FAM184B: variants seen among roughly 807,000 people sequenced by gnomAD.
The protein encoded by FAM184B is protein FAM184B.
In FAM184B, 111 loss-of-function variants were observed where a neutral mutation model predicts 135.9. The observed-to-expected ratio is 0.82, with a 90% confidence interval of 0.70 to 0.96. FAM184B has a LOEUF of 0.96. Among genes scored for constraint, FAM184B ranks in the 40% least tolerant of loss-of-function variants. FAM184B has a pLI of 0.00. For missense variants in FAM184B, 1,375 were observed against 1,323.9 expected (o/e 1.04, Z -0.60); for synonymous variants, 552 against 524.8 (o/e 1.05, Z -0.71).
chr4:17,760,469 CAAA>C (rs371782077), intron 1 of FAM184B, among the ~76,000 whole-genome samples: 2,564 of 115,994 alleles, frequency 0.022, 67 homozygotes, highest in African/African-American at 0.075. Context: ...GACTCCATCT[CAAA>C]AAAAAAAAAA....
chr4:17,735,595 T>G (rs1361808806), intron 1 of FAM184B, among the ~76,000 whole-genome samples: 2 of 152,186 alleles, frequency 1.3e-5, no homozygotes, highest in African/African-American at 2.4e-5. Context: ...CCCCTGTCAT[T>G]GGCATTTTTT....
intron 7 of FAM184B, among the ~76,000 whole-genome samples, chr4:17,674,729 T>C (rs1577255967): frequency 6.6e-6 from 1 of 152,228 alleles, no homozygotes; most frequent in African/African-American, 2.4e-5. Flanking sequence ...AAATCCTTTC[T>C]TGTTATTTTA....
intron 15 of FAM184B, 123 bp from the exon 16 acceptor site, chr4:17,635,236 G>A (rs992085193): frequency 6.4e-5 from 47 of 730,656 alleles, no homozygotes; most frequent in Non-Finnish European, 9.7e-5. Flanking sequence ...GGGGAAGTCA[G>A]TGGGAATAAA....
intron 2 of FAM184B, among the ~76,000 whole-genome samples, chr4:17,708,683 A>G (rs1435835548): frequency 2.4e-5 from 1 of 42,356 alleles, no homozygotes; most frequent in Non-Finnish European, 4.2e-5. Flanking sequence ...ATATATATAT[A>G]TATATATATA....
At chr4:17,699,911 G>A (rs1716947627) in intron 5 of FAM184B, among the ~76,000 whole-genome samples, 1 of 152,034 alleles carries the variant, frequency 6.6e-6, no homozygotes, top group South Asian at 2.1e-4. Flanking sequence ...AACAACTATT[G>A]TACAAAGAAC....
At chr4:17,669,636 G>T (rs1716126012) in intron 7 of FAM184B, among the ~76,000 whole-genome samples, 1 of 152,164 alleles carries the variant, frequency 6.6e-6, no homozygotes, top group African/African-American at 2.4e-5. Flanking sequence ...TCTGATAAAA[G>T]GAATTGTTCA....
At chr4:17,738,586 C>A (rs749243568) in intron 1 of FAM184B, among the ~76,000 whole-genome samples, 1 of 152,110 alleles carries the variant, frequency 6.6e-6, no homozygotes, top group African/African-American at 2.4e-5. Flanking sequence ...ATTTGCCACA[C>A]AGCTAATGAG....
intron 1 of FAM184B, among the ~76,000 whole-genome samples, chr4:17,725,985 G>A (rs892143811): frequency 7.9e-5 from 12 of 151,504 alleles, no homozygotes; most frequent in East Asian, 1.9e-4. Flanking sequence ...GTGCAGTGGC[G>A]CCATCTCTGC....
intron 1 of FAM184B, among the ~76,000 whole-genome samples, chr4:17,744,828 T>C (rs1718125895): frequency 6.6e-6 from 1 of 152,152 alleles, no homozygotes; most frequent in African/African-American, 2.4e-5. Context: ...TGCTTGAATA[T>C]CAACCTAGAG....
chr4:17,671,950 C>A (rs1577255074), intron 7 of FAM184B, among the ~76,000 whole-genome samples: 1 of 150,642 alleles, frequency 6.6e-6, no homozygotes. Flanking sequence ...GTCAAAGATG[C>A]AAAAAGAAAA....
chr4:17,674,524 G>A (rs1296663379), intron 7 of FAM184B, among the ~76,000 whole-genome samples: 3 of 152,158 alleles, frequency 2.0e-5, no homozygotes, highest in Non-Finnish European at 4.4e-5. Flanking sequence ...GAAGGCTGGG[G>A]CAGCTGTGGC....
chr4:17,707,880 T>A, intron 2 of FAM184B, 96 bp from the exon 3 acceptor site: 2 of 1,400,252 alleles, frequency 1.4e-6, no homozygotes, highest in Non-Finnish European at 9.7e-7. Flanking sequence ...AAGGCGGGTA[T>A]ATGCACAGCA....
rs752980284 is a variant in FAM184B, at chr4:17,707,801, G to C, written c.895-17C>G. 54 of 1,551,716 alleles carry C rather than the reference G, an allele frequency of 3.5e-5. No homozygotes were observed. In the South Asian group the frequency reaches 3.9e-4, roughly 11 times the overall value. On this transcript the variant is annotated splice_polypyrimidine_tract_variant and intron_variant, in intron 2 of 17. Coordinates refer to ENST00000265018, the MANE Select transcript of FAM184B (RefSeq NM_015688.2). ...ATCCAGGTCCTAAACAGACAGGAAG[G>C]GTCCCATTTCTCTGGTTATAGCTCT...
chr4:17,635,989 A>G (rs1427117856), intron 15 of FAM184B, among the ~76,000 whole-genome samples: 1 of 152,236 alleles, frequency 6.6e-6, no homozygotes, highest in African/African-American at 2.4e-5. Context: ...TCTGTAAGTT[A>G]AAAAACCAAT....
In FAM184B at chr4:17,705,866, T is replaced by C. The variant is rs1717103125; in HGVS notation, c.1056A>G (p.Ser352=). ...TCTCTTCCCGCAGGACTTTGTTCTC[T>C]GAAACTAACTCAGTCTTCATGGCAT... The part of the protein sequence containing the change: ...QTDAMKTELV[S]ENKVLREEND... Residue 352 remains serine (S), a synonymous_variant, in exon 4 of 18, where the codon TCA becomes TCG. Transcript: ENST00000265018. 4 of 1,552,314 alleles carry C rather than the reference T, an allele frequency of 2.6e-6. No homozygotes were observed. Among genetic ancestry groups the C allele is most frequent in the Non-Finnish European group, 3.5e-6 (4 of 1,147,138 alleles).
In FAM184B at chr4:17,633,756, C is replaced by G; in HGVS notation, c.3022G>C (p.Asp1008His). 1 of 1,551,118 alleles carries G rather than the reference C, an allele frequency of 6.4e-7. No individual in the cohort carries two copies. Among genetic ancestry groups the G allele is most frequent in the Non-Finnish European group, 8.7e-7 (1 of 1,146,768 alleles). Residue 1008 changes from aspartate (D) to histidine (H), a missense_variant, in exon 17 of 18, where the codon GAC becomes CAC. Physicochemically the swap from Asp to His is moderately conservative, Grantham distance 81. Coordinates refer to ENST00000265018, the MANE Select transcript of FAM184B (RefSeq NM_015688.2). ...GTCCGGCCACAGCTGGGGCTTGGGTCCAAGCTGGGTGATGTAGTTATTGGA... is the reference window on the plus strand; with the variant it reads ...GTCCGGCCACAGCTGGGGCTTGGGTGCAAGCTGGGTGATGTAGTTATTGGA... ...APPITTSPSL[D>H]PSPSCGRTYK... is the part of the protein sequence containing the mutation.
chr4:17,758,322 T>C (rs960603172), intron 1 of FAM184B, among the ~76,000 whole-genome samples: 1 of 152,244 alleles, frequency 6.6e-6, no homozygotes, highest in Non-Finnish European at 1.5e-5. Context: ...TAAATCTTAG[T>C]ATCCGTTTAG....
intron 1 of FAM184B, among the ~76,000 whole-genome samples, chr4:17,710,967 G>T (rs913087276): frequency 7.9e-5 from 12 of 152,184 alleles, no homozygotes; most frequent in African/African-American, 2.7e-4. Flanking sequence ...CTACAGAGGA[G>T]GGGGGTGAAG....
chr4:17,693,542 A>G lies in FAM184B; in HGVS notation c.1378-130T>C, dbSNP rs115644842. The G allele has an allele frequency of 3.2e-4, 221 of 685,674 alleles. No homozygotes were observed. In the African/African-American group the frequency reaches 3.8e-3, roughly 12 times the overall value. The allele number at this position is 685,674 out of a possible 1,614,324, so 42.5% of individuals were successfully genotyped here. A position where few individuals can be genotyped will look rare whatever the true frequency, so the allele number is the denominator to read the frequency against. On this transcript the variant is annotated intron_variant, in intron 5 of 17. Coordinates refer to ENST00000265018, the MANE Select transcript of FAM184B (RefSeq NM_015688.2). ...CATACAACACTGCAAATAAACATAA[A>G]TTAGACATACACGAGAAGGTCAAAA...
Sources: gnomAD v4.1 joint callset for allele counts (sites outside exome capture counted in the v4.1 genomes callset) on GRCh38, gnomAD v4.1.1 for gene constraint, MANE v1.5 for transcripts, NCBI Gene and HGNC (gene_info 2026-07-23, HGNC 2026-07-21) for gene names.